Variants in KLF15 observed in about 807,000 individuals in gnomAD.
KLF15 encodes Krueppel-like factor 15.
A neutral mutation model predicts 24.6 loss-of-function variants in KLF15; 4 were observed. The observed-to-expected ratio is 0.16, with a 90% CI of 0.08 to 0.37. KLF15 has a LOEUF of 0.37. Ranked by LOEUF, KLF15 falls within the 10% of genes least tolerant of loss-of-function variation. The probability of loss-of-function intolerance (pLI) is 1.00; values close to 1 mark genes in which losing one functional copy is unlikely to be tolerated. For missense variants in KLF15, 496 were observed against 560.6 expected, an observed-to-expected ratio of 0.88 and a Z score of 1.16; for synonymous variants, 246 against 236.3, an observed-to-expected ratio of 1.04 and a Z score of -0.37.
At chr3:126,319,656 T>C in the KLF15 span, among the ~76,000 whole-genome samples, 1 of 152,270 alleles carries the variant, frequency 6.6e-6, no homozygotes, top group Non-Finnish European at 1.5e-5. Context: ...AGTTGTTTTG[T>C]TGTGTTTTTA....
At chr3:126,315,006 G>A in the KLF15 span, among the ~76,000 whole-genome samples, 7 of 152,108 alleles carry the variant, frequency 4.6e-5, no homozygotes, top group South Asian at 2.1e-4. Flanking sequence ...ATGAAACTGC[G>A]GCCAGGGATG....
chr3:126,329,120 T>A, the KLF15 span, among the ~76,000 whole-genome samples: 13 of 152,238 alleles, frequency 8.5e-5, no homozygotes, highest in Non-Finnish European at 1.5e-5. Context: ...TAATTGTGTG[T>A]TTGTGGTTGG....
intron 2 of KLF15, among the ~76,000 whole-genome samples, chr3:126,345,778 G>C (rs932700980): frequency 6.6e-6 from 1 of 152,118 alleles, no homozygotes; most frequent in African/African-American, 2.4e-5. Context: ...ACATGCTCTG[G>C]ACAAGGCACA....
chr3:126,313,715 T>C, the KLF15 span, among the ~76,000 whole-genome samples: 1 of 152,222 alleles, frequency 6.6e-6, no homozygotes, highest in Admixed American at 6.5e-5. Context: ...AGACCTGCCT[T>C]GTATGAGCTA....
At chr3:126,334,220 A>G in the KLF15 span, among the ~76,000 whole-genome samples, 3 of 152,000 alleles carry the variant, frequency 2.0e-5, no homozygotes, top group Admixed American at 2.0e-4. Context: ...ATAACAAACT[A>G]TCTCTCAGAC....
chr3:126,345,828 C>T (rs891248073), intron 2 of KLF15, among the ~76,000 whole-genome samples: 4 of 152,204 alleles, frequency 2.6e-5, no homozygotes, highest in African/African-American at 9.6e-5. Flanking sequence ...ACAGGAACTC[C>T]GACTCACATC....
the KLF15 span, among the ~76,000 whole-genome samples, chr3:126,307,682 G>T: frequency 1.5e-3 from 221 of 152,302 alleles, 1 homozygote; most frequent in African/African-American, 5.1e-3. Flanking sequence ...TCACATAAAG[G>T]TCAGGATTTC....
At chr3:126,331,923 C>T in the KLF15 span, among the ~76,000 whole-genome samples, 19 of 152,224 alleles carry the variant, frequency 1.2e-4, no homozygotes, top group Non-Finnish European at 2.6e-4. Context: ...GGGTCCTACG[C>T]CCACGGAATC....
At position 126,352,061 on chromosome 3, in the gene KLF15, C is replaced by T. The variant is rs746814532; in HGVS notation, c.862G>A (p.Ala288Thr). ...AGGGGTCCCGATCCAACAGGCTTGG[C>T]GGCAATGGGCACAGGGGCAATGCGC... is the stretch of plus-strand genomic sequence containing the variant. ...FVRIAPVPIA[A>T]KPVGSGPLGP... Residue 288 changes from alanine to threonine, a missense_variant, in exon 2 of 3, where the codon GCC becomes ACC. Physicochemically the swap from Ala to Thr is moderately conservative, Grantham distance 58 (BLOSUM62 0). Transcript: ENST00000296233. 2.2e-5 allele frequency: 33 copies of T among 1,529,848 alleles called. No individual in the cohort carries two copies. The highest frequency in any genetic ancestry group is 2.7e-5 in the Non-Finnish European group (31 of 1,136,526). 94.8% of individuals were successfully genotyped at this position (1,529,848 alleles called of 1,614,324 possible).
At chr3:126,357,131 C>T (rs1402279220) in intron 1 of KLF15, 106 bp downstream of exon 1, 2 of 151,568 alleles carry the variant, frequency 1.3e-5, no homozygotes, top group Non-Finnish European at 2.9e-5. Context: ...CGCGGTGCCT[C>T]CGAGAGCTGC....
At chr3:126,320,449 A>G in the KLF15 span, among the ~76,000 whole-genome samples, 3 of 152,350 alleles carry the variant, frequency 2.0e-5, no homozygotes, top group East Asian at 5.8e-4. Context: ...GTGCAAACTC[A>G]TGTGTATCTG....
At chr3:126,316,314 G>A in the KLF15 span, among the ~76,000 whole-genome samples, 1 of 151,346 alleles carries the variant, frequency 6.6e-6, no homozygotes, top group Non-Finnish European at 1.5e-5. Flanking sequence ...AAGGGCTGGA[G>A]TGGGGAAGAG....
Position 126,352,629 on chromosome 3 carries a change from G to A in KLF15, c.294C>T (p.Ala98=), listed in dbSNP as rs754012054. Reference sequence around the variant, plus strand: ...GCCCCCAGGCCACGGGGCCACTGCTGGCCCCAATGCTACTGCCGCTGCCCC... The same window carrying A: ...GCCCCCAGGCCACGGGGCCACTGCTAGCCCCAATGCTACTGCCGCTGCCCC... ...SGGGSGSSIG[A]SSGPVAWGPW... The change falls in exon 2 of 3, where the codon GCC becomes GCT. Residue 98 remains alanine (A), a synonymous_variant. Coordinates refer to ENST00000296233, the MANE Select transcript of KLF15 (RefSeq NM_014079.4). 2 of 1,601,356 alleles carry A rather than the reference G, an allele frequency of 1.2e-6. No individual in the cohort carries two copies.
At chr3:126,339,566 G>C (rs183126933), downstream of KLF15, among the ~76,000 whole-genome samples, 9 of 152,274 alleles carry the variant, frequency 5.9e-5, no homozygotes, top group South Asian at 4.1e-4. Context: ...ACCAAATGAA[G>C]TGGGACCTAC....
At chr3:126,301,742 G>A in the KLF15 span, among the ~76,000 whole-genome samples, 1 of 151,002 alleles carries the variant, frequency 6.6e-6, no homozygotes, top group Non-Finnish European at 1.5e-5. Flanking sequence ...AGCCTCCCGA[G>A]TAGCTGGGAT....
chr3:126,309,703 G>A, the KLF15 span, among the ~76,000 whole-genome samples: 2,631 of 152,272 alleles, frequency 0.017, 73 homozygotes, highest in African/African-American at 0.059. Context: ...TAGGGAAATG[G>A]CTGGTTCTGG....
At chr3:126,298,998 T>C in the KLF15 span, among the ~76,000 whole-genome samples, 4 of 152,190 alleles carry the variant, frequency 2.6e-5, no homozygotes, top group Non-Finnish European at 4.4e-5. Context: ...TCTACTTCTG[T>C]GAGGAATTAT....
the KLF15 span, among the ~76,000 whole-genome samples, chr3:126,308,003 T>G: frequency 6.6e-6 from 1 of 152,126 alleles, no homozygotes; most frequent in African/African-American, 2.4e-5. Context: ...GGGTGGGAGC[T>G]GGGCAGAGAG....
chr3:126,348,462 C>T (rs571105679), intron 2 of KLF15, among the ~76,000 whole-genome samples: 35 of 152,258 alleles, frequency 2.3e-4, no homozygotes, highest in African/African-American at 8.2e-4. Flanking sequence ...CTAGGACCAC[C>T]AGGTGGCCAG....
Sources: allele counts gnomAD v4.1 joint callset (sites outside exome capture counted in the v4.1 genomes callset), GRCh38; gene constraint gnomAD v4.1.1; transcripts MANE v1.5; gene names NCBI Gene and HGNC (gene_info 2026-07-23, HGNC 2026-07-21).